Variants in ZNF782 observed in about 807,000 individuals in gnomAD.
ZNF782 encodes the protein zinc finger protein 782.
ZNF782 carries 12 observed loss-of-function variants against 13.0 expected under a neutral mutation model. That is an observed-to-expected ratio of 0.92 (90% CI 0.59 to 1.50). ZNF782 has a LOEUF of 1.50. Among genes scored for constraint, ZNF782 ranks in the 40% most tolerant of loss-of-function variants. The pLI is 0.00. For synonymous variants in ZNF782, 284 were observed against 283.0 expected (o/e 1.00, Z -0.04); for missense variants, 770 against 822.9 (o/e 0.94, Z 0.79).
chr9:96,932,784 T>C, the ZNF782 span, among the ~76,000 whole-genome samples: 1 of 151,326 alleles, frequency 6.6e-6, no homozygotes, highest in Non-Finnish European at 1.5e-5. Flanking sequence ...TCCTGAGTAG[T>C]TGGGATTACA....
upstream of ZNF782, among the ~76,000 whole-genome samples, chr9:96,877,847 A>G (rs994055544): frequency 6.6e-6 from 1 of 152,218 alleles, no homozygotes; most frequent in African/African-American, 2.4e-5. Flanking sequence ...TATTTTCTAT[A>G]AACAACTTAA....
chr9:96,883,000 C>A, the ZNF782 span, among the ~76,000 whole-genome samples: 3 of 149,866 alleles, frequency 2.0e-5, no homozygotes, highest in Non-Finnish European at 2.9e-5. Flanking sequence ...ACCACACTGG[C>A]TGTCATGAGA....
At chr9:96,883,348 G>A in the ZNF782 span, among the ~76,000 whole-genome samples, 2 of 152,072 alleles carry the variant, frequency 1.3e-5, no homozygotes, top group African/African-American at 4.8e-5. Flanking sequence ...TACCAGTAGG[G>A]CTCAAGGGGC....
In ZNF782 at chr9:96,816,334, A is replaced by T. The variant is rs1412283435; in HGVS notation, c.*1589T>A. 1 of 152,230 alleles carries T rather than the reference A, an allele frequency of 6.6e-6. No homozygotes were observed. The highest frequency in any genetic ancestry group is 1.5e-5 in the Non-Finnish European group (1 of 68,044). 9.4% of individuals were successfully genotyped at this position (152,230 alleles called of 1,614,324 possible). A position where few individuals can be genotyped will look rare whatever the true frequency, so the allele number is the denominator to read the frequency against. ...TTGTAGCTGATGTCAAAGTAGTTAT[A>T]AAGCAAGGGGAACACAATTCTTTTA... On this transcript the variant is annotated 3_prime_UTR_variant, in exon 6 of 6. Coordinates refer to ENST00000481138, the MANE Select transcript of ZNF782 (RefSeq NM_001001662.3).
At chr9:96,919,137 A>T in the ZNF782 span, 1 of 155,998 alleles carries the variant, frequency 6.4e-6, no homozygotes, top group African/African-American at 2.6e-5. Flanking sequence ...CAAAATTGGA[A>T]CTCTGAACTT....
chr9:96,903,135 T>C, the ZNF782 span: 1 of 151,510 alleles, frequency 6.6e-6, no homozygotes, highest in Non-Finnish European at 1.5e-5. Context: ...CACAGATTCA[T>C]ATAGCCACTG....
At chr9:96,906,374 ATCCCACAGG>A in the ZNF782 span, among the ~76,000 whole-genome samples, 1 of 148,902 alleles carries the variant, frequency 6.7e-6, no homozygotes, top group Admixed American at 6.6e-5. Flanking sequence ...AGAGCATCAG[ATCCCACAGG>A]TTGAGTGCTC....
the ZNF782 span, chr9:96,891,197 A>G: frequency 6.6e-6 from 1 of 152,220 alleles, no homozygotes; most frequent in African/African-American, 2.4e-5. Context: ...ATCTGTGGAA[A>G]TGAATAAATG....
chr9:96,840,552 T>C (rs1851155402), intron 4 of ZNF782, among the ~76,000 whole-genome samples: 1 of 151,992 alleles, frequency 6.6e-6, no homozygotes, highest in Non-Finnish European at 1.5e-5. Flanking sequence ...CTATGAAAAT[T>C]AAGGCTGTGC....
the ZNF782 span, among the ~76,000 whole-genome samples, chr9:96,925,580 AGAG>A: frequency 6.8e-6 from 1 of 146,712 alleles, no homozygotes; most frequent in Non-Finnish European, 1.5e-5. Flanking sequence ...GGCTGCAGTG[AGAG>A]GAGATCACAC....
At chr9:96,927,592 G>T in the ZNF782 span, among the ~76,000 whole-genome samples, 1 of 152,076 alleles carries the variant, frequency 6.6e-6, no homozygotes, top group Non-Finnish European at 1.5e-5. Flanking sequence ...AACAATAATT[G>T]CCTAATATGT....
chr9:96,855,270 G>A (rs1480940552), upstream of ZNF782, among the ~76,000 whole-genome samples: 1 of 151,946 alleles, frequency 6.6e-6, no homozygotes, highest in Non-Finnish European at 1.5e-5. Context: ...TTTTATTTCC[G>A]TAGGTTATTG....
chr9:96,875,476 A>C (rs771142153), exon 1 of ZNF782: 1 of 456,668 alleles, frequency 2.2e-6, no homozygotes, highest in South Asian at 1.5e-5. Context: ...ACAGGTAATA[A>C]AGCTGGAATT....
chr9:96,881,988 A>AGTGTGTGT, the ZNF782 span, among the ~76,000 whole-genome samples: 33 of 148,396 alleles, frequency 2.2e-4, no homozygotes, highest in East Asian at 7.9e-4. Flanking sequence ...TGGAAGTATG[A>AGTGTGTGT]GTGTGTGTGT....
At chr9:96,913,451 C>G in the ZNF782 span, among the ~76,000 whole-genome samples, 1 of 151,980 alleles carries the variant, frequency 6.6e-6, no homozygotes, top group Non-Finnish European at 1.5e-5. Context: ...TCGAATTAAA[C>G]TGTCAGAGAA....
chr9:96,929,717 G>A, the ZNF782 span, among the ~76,000 whole-genome samples: 1 of 151,808 alleles, frequency 6.6e-6, no homozygotes, highest in Non-Finnish European at 1.5e-5. Flanking sequence ...GGTTTCCTGA[G>A]TTGTTCTGAA....
chr9:96,889,790 G>GTA, the ZNF782 span: 3 of 152,078 alleles, frequency 2.0e-5, no homozygotes, highest in Admixed American at 6.5e-5. Flanking sequence ...GTGTATATGT[G>GTA]TATATATATG....
chr9:96,870,784 C>T (rs1851816289), intron 1 of ZNF782, among the ~76,000 whole-genome samples: 1 of 152,182 alleles, frequency 6.6e-6, no homozygotes, highest in Non-Finnish European at 1.5e-5. Context: ...GGACTCTTAA[C>T]AACTCATAAA....
chr9:96,868,461 TG>T (rs1413888899), intron 1 of ZNF782, among the ~76,000 whole-genome samples: 2 of 152,256 alleles, frequency 1.3e-5, no homozygotes, highest in African/African-American at 4.8e-5. Context: ...CATGTGGAAC[TG>T]GAACAACTGA....
Sources: allele counts gnomAD v4.1 joint callset (sites outside exome capture counted in the v4.1 genomes callset), GRCh38; gene constraint gnomAD v4.1.1; transcripts MANE v1.5; gene names NCBI Gene and HGNC (gene_info 2026-07-23, HGNC 2026-07-21).